The following CAMSAP2 variants were observed in gnomAD, a reference collection of about 807,000 sequenced individuals.
The protein encoded by CAMSAP2 is calmodulin regulated spectrin associated protein family member 2.
CAMSAP2 carries 26 observed loss-of-function variants against 146.1 expected under a neutral mutation model. The observed-to-expected ratio is 0.18, with a 90% CI of 0.13 to 0.25. The LOEUF is 0.25. Among genes scored for constraint, CAMSAP2 ranks in the 10% least tolerant of loss-of-function variants. CAMSAP2 has a pLI of 1.00. For missense variants in CAMSAP2, 1,381 were observed against 1,759.3 expected (o/e 0.78, Z 3.85); for synonymous variants, 499 against 596.6 (o/e 0.84, Z 2.38).
chr1:200,795,599 C>T (rs1237329149), intron 2 of CAMSAP2, among the ~76,000 whole-genome samples: 2 of 152,238 alleles, frequency 1.3e-5, no homozygotes, highest in East Asian at 1.9e-4. Flanking sequence ...GGAGACATAT[C>T]TTTCATCTGT....
At chr1:200,758,939 ATC>A (rs2102999687) in intron 1 of CAMSAP2, among the ~76,000 whole-genome samples, 1 of 152,222 alleles carries the variant, frequency 6.6e-6, no homozygotes, top group African/African-American at 2.4e-5. Context: ...GTAATCTTCT[ATC>A]TCTGATTTTT....
intron 1 of CAMSAP2, among the ~76,000 whole-genome samples, chr1:200,759,226 G>A (rs563366230): frequency 2.7e-5 from 4 of 147,738 alleles, no homozygotes; most frequent in East Asian, 2.0e-4. Context: ...CTCTCCTTAC[G>A]TTTAGAAAGG....
chr1:200,802,254 G>A (rs550726767), intron 2 of CAMSAP2, among the ~76,000 whole-genome samples: 1 of 152,306 alleles, frequency 6.6e-6, no homozygotes, highest in African/African-American at 2.4e-5. Context: ...GGAATGGCAA[G>A]TATACGAGCT....
chr1:200,820,852 A>G lies in CAMSAP2; in HGVS notation c.645+5208A>G, dbSNP rs1041018997. Among the ~76,000 whole-genome samples the G allele has an allele frequency of 2.6e-4, 39 of 152,194 alleles. 1 individual carries two copies. Among genetic ancestry groups the G allele is most frequent in the Admixed American group, 6.5e-5 (1 of 15,278 alleles). On this transcript the variant is annotated intron_variant, in intron 4 of 16. Transcript: ENST00000358823. ...TTTTGATCTTTGAACTGTTTTATAAATGACTTTTACTAGCATCCCATAGAA... is the reference window on the plus strand; with the variant it reads ...TTTTGATCTTTGAACTGTTTTATAAGTGACTTTTACTAGCATCCCATAGAA...
At position 200,739,719 on chromosome 1, in the gene CAMSAP2, G is replaced by A. The variant is rs1327212486; in HGVS notation, c.-109G>A. On this transcript the variant is annotated 5_prime_UTR_variant, in exon 1 of 17. Coordinates refer to ENST00000358823, the MANE Select transcript of CAMSAP2 (RefSeq NM_203459.4). The surrounding 1 kb of genome is among the most constrained non-coding windows in gnomAD (Gnocchi z 4.8). ...GTCGGCGCCCGGGCGGACATCGCCC[G>A]GGCCCCGATGGTTTGAGCTTGCTTC... 8 of 1,054,688 alleles carry A rather than the reference G, an allele frequency of 7.6e-6. No homozygotes were observed. Among genetic ancestry groups the A allele is most frequent in the East Asian group, 3.5e-5 (1 of 28,916 alleles). The allele number at this position is 1,054,688 out of a possible 1,614,324, so 65.3% of individuals were successfully genotyped here. A position where few individuals can be genotyped will look rare whatever the true frequency, so the allele number is the denominator to read the frequency against.
chr1:200,856,331 A>G (rs528129133), intron 15 of CAMSAP2, among the ~76,000 whole-genome samples: 8 of 152,318 alleles, frequency 5.3e-5, no homozygotes, highest in African/African-American at 9.6e-5. Flanking sequence ...CCTCTAACCA[A>G]TGCTGGCCAT....
intron 3 of CAMSAP2, among the ~76,000 whole-genome samples, chr1:200,808,159 A>C (rs145302986): frequency 1.3e-5 from 2 of 152,306 alleles, no homozygotes; most frequent in African/African-American, 4.8e-5. Context: ...TTTTGAATTC[A>C]TTTCAAGAAT....
intron 2 of CAMSAP2, among the ~76,000 whole-genome samples, chr1:200,787,915 T>G (rs1392632260): frequency 6.6e-6 from 1 of 152,220 alleles, no homozygotes; most frequent in Admixed American, 6.5e-5. Flanking sequence ...TTAGCATTTT[T>G]TAGCAATACA....
chr1:200,842,385 G>A (rs766230428), intron 7 of CAMSAP2, among the ~76,000 whole-genome samples: 3 of 151,962 alleles, frequency 2.0e-5, no homozygotes, highest in East Asian at 1.9e-4. Flanking sequence ...TAGATTCTTA[G>A]TTTTTAACAT....
At chr1:200,762,960 T>C (rs1464341644) in intron 2 of CAMSAP2, among the ~76,000 whole-genome samples, 10 of 151,950 alleles carry the variant, frequency 6.6e-5, no homozygotes, top group Admixed American at 6.6e-4. Flanking sequence ...AGTGCAGTGG[T>C]GCGATCTTGG....
At chr1:200,817,237 CACATACACACATATGTGTGTGTAT>C (rs1405369951) in intron 4 of CAMSAP2, among the ~76,000 whole-genome samples, 1 of 40,336 alleles carries the variant, frequency 2.5e-5, no homozygotes, top group Non-Finnish European at 4.6e-5. Context: ...TGTATATACA[CACATACACACATATGTGTGTGTAT>C]ATACACACAT....
chr1:200,740,506 C>T (rs942358763), intron 1 of CAMSAP2, among the ~76,000 whole-genome samples: 1 of 152,176 alleles, frequency 6.6e-6, no homozygotes, highest in Non-Finnish European at 1.5e-5. Flanking sequence ...GCCTTCTGCA[C>T]GCATGTTAAG....
intron 1 of CAMSAP2, among the ~76,000 whole-genome samples, chr1:200,747,561 T>C (rs2102988047): frequency 6.6e-6 from 1 of 150,880 alleles, no homozygotes; most frequent in African/African-American, 2.4e-5. Context: ...TGGCTAATAG[T>C]AAAGAGGATT....
chr1:200,857,406 G>A lies in CAMSAP2; in HGVS notation c.4113G>A (p.Gln1371=), dbSNP rs1176173013. Residue 1371 remains glutamine, a synonymous_variant, in exon 16 of 17, where the codon CAG becomes CAA. Transcript: ENST00000358823. The surrounding 1 kb of genome is among the most constrained non-coding windows in gnomAD (Gnocchi z 4.7). ...CCLAGKVNEG[Q]KKKILEEMEK... Reference sequence around the variant, plus strand: ...TGGCTGGAAAAGTAAATGAAGGTCAGAAGAAAAAAATACTGGAGGTAAGCA... The same window carrying A: ...TGGCTGGAAAAGTAAATGAAGGTCAAAAGAAAAAAATACTGGAGGTAAGCA... 1 of 1,610,360 alleles carries A rather than the reference G, an allele frequency of 6.2e-7. No homozygotes were observed. The highest frequency in any genetic ancestry group is 1.7e-5 in the Admixed American group (1 of 59,704).
intron 2 of CAMSAP2, among the ~76,000 whole-genome samples, chr1:200,767,919 CTCTT>C (rs1477350772): frequency 1.3e-5 from 2 of 152,118 alleles, no homozygotes; most frequent in African/African-American, 4.8e-5. Context: ...GTTAGAGTAA[CTCTT>C]TATTTGTGAT....
chr1:200,785,676 C>CACGGCACCCAGCCA (rs1665569150), intron 2 of CAMSAP2, among the ~76,000 whole-genome samples: 2 of 150,900 alleles, frequency 1.3e-5, no homozygotes, highest in African/African-American at 2.4e-5. Context: ...AGGCGTGAGC[C>CACGGCACCCAGCCA]ATGTGCCTGG....
At chr1:200,750,926 A>G (rs1664487289) in intron 1 of CAMSAP2, among the ~76,000 whole-genome samples, 3 of 105,760 alleles carry the variant, frequency 2.8e-5, no homozygotes, top group South Asian at 2.8e-4. Context: ...TTTTTGAGAC[A>G]GGAGTTTTGC....
At chr1:200,769,973 A>G (rs1180170845) in intron 2 of CAMSAP2, among the ~76,000 whole-genome samples, 1 of 152,214 alleles carries the variant, frequency 6.6e-6, no homozygotes, top group Non-Finnish European at 1.5e-5. Flanking sequence ...CAAGATTATA[A>G]TGAAAGACTA....
chr1:200,758,628 T>C lies in CAMSAP2; in HGVS notation c.140-2211T>C, dbSNP rs565901449. The stretch of plus-strand genomic sequence containing the variant: ...CTTGACCTCTTTCCAGAGTCCTATA[T>C]CTCCAGCTGCTTATTGGATATTTCC... On this transcript the variant is annotated intron_variant, in intron 1 of 16. Transcript: ENST00000358823. Among the ~76,000 whole-genome samples, 91 of 152,360 alleles carry C rather than the reference T, an allele frequency of 6.0e-4. 1 individual carries two copies. Among genetic ancestry groups the C allele is most frequent in the South Asian group, 3.3e-3 (16 of 4,832 alleles).
Sources: allele counts gnomAD v4.1 joint callset (sites outside exome capture counted in the v4.1 genomes callset), GRCh38; gene constraint gnomAD v4.1.1; non-coding constraint Gnocchi (gnomAD v3.1); transcripts MANE v1.5; gene names NCBI Gene and HGNC (gene_info 2026-07-23, HGNC 2026-07-21).